Variants in DOCK3 observed in about 807,000 individuals in gnomAD.
DOCK3 encodes the protein dedicator of cytokinesis 3, also known as dedicator of cytokinesis protein 3.
Under a neutral mutation model 265.6 loss-of-function variants are expected in DOCK3, and 60 were observed. The observed-to-expected ratio is 0.23, with a 90% CI of 0.18 to 0.28. The LOEUF (loss-of-function observed/expected upper bound fraction) is 0.28, where lower values mean the gene tolerates loss of function less well. DOCK3 is among the 10% of genes least tolerant of loss of function. The pLI, the probability that DOCK3 is intolerant of heterozygous loss-of-function variation, is 1.00. For synonymous variants in DOCK3, 881 were observed against 938.0 expected (o/e 0.94, Z 1.11); for missense variants, 1,981 against 2,594.3 (o/e 0.76, Z 5.14).
At chr3:51,370,162 A>G (rs982808735) in intron 49 of DOCK3, among the ~76,000 whole-genome samples, 2 of 152,044 alleles carry the variant, frequency 1.3e-5, no homozygotes, top group African/African-American at 4.8e-5. Context: ...AAGAAAAGAA[A>G]CCCTGAGCCA....
intron 1 of DOCK3, among the ~76,000 whole-genome samples, chr3:50,723,326 A>G (rs2037593643): frequency 1.3e-5 from 2 of 152,194 alleles, no homozygotes. Context: ...ATTGGTAGTT[A>G]GAGTCCTGAA....
At chr3:50,828,009 G>A (rs955356345) in intron 2 of DOCK3, among the ~76,000 whole-genome samples, 1 of 150,858 alleles carries the variant, frequency 6.6e-6, no homozygotes, top group Non-Finnish European at 1.5e-5. Flanking sequence ...GCAGTGGTGC[G>A]ATCTCGGCTC....
chr3:50,717,238 T>G (rs1412883844), intron 1 of DOCK3, among the ~76,000 whole-genome samples: 1 of 152,232 alleles, frequency 6.6e-6, no homozygotes, highest in Non-Finnish European at 1.5e-5. Flanking sequence ...TCATTTACAC[T>G]TGTGCAAATA....
intron 5 of DOCK3, among the ~76,000 whole-genome samples, chr3:51,049,416 AG>A: frequency 6.6e-6 from 1 of 152,284 alleles, no homozygotes; most frequent in Middle Eastern, 3.4e-3. Flanking sequence ...GGAGCAGTTG[AG>A]GGACCTGGAA....
intron 12 of DOCK3, among the ~76,000 whole-genome samples, chr3:51,199,274 C>T (rs1031887694): frequency 2.5e-4 from 38 of 152,294 alleles, no homozygotes; most frequent in Non-Finnish European, 5.0e-4. Flanking sequence ...CAGGGAGTTC[C>T]GTTTCCTAGT....
chr3:50,883,673 C>T (rs761351085), intron 3 of DOCK3, among the ~76,000 whole-genome samples: 1 of 152,048 alleles, frequency 6.6e-6, no homozygotes, highest in Non-Finnish European at 1.5e-5. Flanking sequence ...CCACTTCCTT[C>T]TGTCTTCTAT....
Position 51,333,224 on chromosome 3 carries a change from C to T in DOCK3, c.3582C>T (p.Thr1194=), listed in dbSNP as rs957160690. 3 of 1,613,340 alleles carry T rather than the reference C, an allele frequency of 1.9e-6. No individual in the cohort carries two copies. Among genetic ancestry groups the T allele is most frequent in the Non-Finnish European group, 2.5e-6 (3 of 1,179,906 alleles). ...GCATTTCCTTTGTGACCTCAGTCAC[C>T]CGCCTCATGGAACGTCTTCTTGACT... ...ETGISFVTSV[T]RLMERLLDYR... is the part of the protein sequence containing the mutation. Residue 1194 remains threonine, a synonymous_variant, in exon 35 of 53, where the codon ACC becomes ACT. Coordinates refer to ENST00000266037, the MANE Select transcript of DOCK3 (RefSeq NM_004947.5).
chr3:50,703,571 C>T (rs2107837521), intron 1 of DOCK3, among the ~76,000 whole-genome samples: 1 of 150,990 alleles, frequency 6.6e-6, no homozygotes, highest in East Asian at 1.9e-4. Flanking sequence ...TTTTATGTGT[C>T]CAAGAATTTA....
intron 25 of DOCK3, 83 bp downstream of exon 25, chr3:51,275,289 C>A: frequency 6.3e-7 from 1 of 1,577,674 alleles, no homozygotes; most frequent in South Asian, 1.1e-5. Flanking sequence ...CAACAAAGAT[C>A]GCTTTGTACA....
chr3:51,227,705 A>C (rs2090388576), intron 16 of DOCK3, among the ~76,000 whole-genome samples: 1 of 152,194 alleles, frequency 6.6e-6, no homozygotes, highest in Non-Finnish European at 1.5e-5. Flanking sequence ...TTCTCCTTTG[A>C]GTATTCCTTT....
At chr3:50,912,967 A>C (rs957343024) in intron 4 of DOCK3, among the ~76,000 whole-genome samples, 1 of 152,020 alleles carries the variant, frequency 6.6e-6, no homozygotes, top group African/African-American at 2.4e-5. Flanking sequence ...CTGGTTCCTA[A>C]GGTGCAAGAG....
chr3:51,146,449 G>C (rs902134709), intron 9 of DOCK3, 100 bp from the exon 10 acceptor site: 2 of 1,261,446 alleles, frequency 1.6e-6, no homozygotes, highest in Admixed American at 2.2e-5. Context: ...ACTGCAAGCT[G>C]TTATGTAAAT....
At chr3:51,156,524 T>C (rs2085858949) in intron 10 of DOCK3, among the ~76,000 whole-genome samples, 1 of 152,238 alleles carries the variant, frequency 6.6e-6, no homozygotes, top group African/African-American at 2.4e-5. Context: ...TAACAAACCT[T>C]ATGGTAACTG....
At chr3:50,831,859 A>T (rs1172433117) in intron 2 of DOCK3, among the ~76,000 whole-genome samples, 1 of 152,164 alleles carries the variant, frequency 6.6e-6, no homozygotes, top group African/African-American at 2.4e-5. Context: ...GTGTAAAAGC[A>T]TTCCTATTTC....
chr3:50,767,042 C>T (rs940730898), intron 1 of DOCK3, among the ~76,000 whole-genome samples: 11 of 152,024 alleles, frequency 7.2e-5, no homozygotes, highest in Admixed American at 2.0e-4. Flanking sequence ...GGGTAGATTG[C>T]GAAAATATTC....
At chr3:50,891,140 T>G (rs1251881899) in intron 4 of DOCK3, among the ~76,000 whole-genome samples, 1 of 152,068 alleles carries the variant, frequency 6.6e-6, no homozygotes, top group Non-Finnish European at 1.5e-5. Flanking sequence ...AGAAATTGTT[T>G]ACAGGAACAG....
chr3:50,913,840 A>C (rs2049984529), intron 4 of DOCK3, among the ~76,000 whole-genome samples: 1 of 152,064 alleles, frequency 6.6e-6, no homozygotes, highest in Non-Finnish European at 1.5e-5. Flanking sequence ...TTGGCGATTC[A>C]CGATTGTTTT....
chr3:51,055,928 G>A (rs1333879855), intron 5 of DOCK3, among the ~76,000 whole-genome samples: 4 of 152,196 alleles, frequency 2.6e-5, no homozygotes, highest in Admixed American at 6.5e-5. Flanking sequence ...AATGGAGGAT[G>A]TATTTGGGCT....
intron 49 of DOCK3, among the ~76,000 whole-genome samples, chr3:51,372,732 G>A (rs2087787292): frequency 6.6e-6 from 1 of 152,190 alleles, no homozygotes; most frequent in Non-Finnish European, 1.5e-5. Context: ...GGTGCATACT[G>A]AACAGAGAGT....
Sources: allele counts gnomAD v4.1 joint callset (sites outside exome capture counted in the v4.1 genomes callset), GRCh38; gene constraint gnomAD v4.1.1; transcripts MANE v1.5; gene names NCBI Gene and HGNC (gene_info 2026-07-23, HGNC 2026-07-21).